MAST4: variants seen among roughly 807,000 people sequenced by gnomAD.
The protein encoded by MAST4 is microtubule associated serine/threonine kinase family member 4.
In MAST4, 89 loss-of-function variants were observed where a neutral mutation model predicts 162.7. The observed-to-expected ratio is 0.55, with a 90% CI of 0.46 to 0.65. The LOEUF is 0.65. MAST4 is among the 30% of genes least tolerant of loss of function. The pLI is 0.00. For missense variants in MAST4, 3,153 were observed against 3,374.0 expected, an observed-to-expected ratio of 0.93 and a Z score of 1.62; for synonymous variants, 1,479 against 1,361.1, an observed-to-expected ratio of 1.09 and a Z score of -1.91.
intron 12 of MAST4, among the ~76,000 whole-genome samples, chr5:67,118,106 G>T (rs997440548): frequency 2.0e-5 from 3 of 152,122 alleles, no homozygotes; most frequent in Admixed American, 6.5e-5. Flanking sequence ...GAAGTTAAAA[G>T]GTCAGTCAGT....
intron 4 of MAST4, among the ~76,000 whole-genome samples, chr5:66,927,088 C>T (rs967280056): frequency 5.3e-5 from 8 of 152,130 alleles, no homozygotes; most frequent in Non-Finnish European, 8.8e-5. Flanking sequence ...GATTTCCTCT[C>T]GTTTTCTTTT....
rs565786604 is a variant in MAST4, at chr5:66,722,907, T to C, written c.364-36802T>C. ...AACGGGACACCTGCCAGATATGTAGTTGAAAAGGGATGTGTCTGAATCAAG... is the reference window on the plus strand; with the variant it reads ...AACGGGACACCTGCCAGATATGTAGCTGAAAAGGGATGTGTCTGAATCAAG... On this transcript the variant is annotated intron_variant, in intron 1 of 28. Transcript: ENST00000403625. Among the ~76,000 whole-genome samples, 8 of 152,152 alleles carry C rather than the reference T, an allele frequency of 5.3e-5. No homozygotes were observed. In the Middle Eastern group the frequency reaches 0.01, roughly 194 times the overall value.
chr5:66,916,166 TTAAAAA>T (rs1764105038), intron 4 of MAST4, among the ~76,000 whole-genome samples: 1 of 152,228 alleles, frequency 6.6e-6, no homozygotes, highest in African/African-American at 2.4e-5. Flanking sequence ...ACCTGTTTCT[TTAAAAA>T]TAATTTTAAT....
At chr5:67,121,141 A>G in intron 14 of MAST4, 39 bp downstream of exon 14, 3 of 1,424,374 alleles carry the variant, frequency 2.1e-6, no homozygotes. Flanking sequence ...GTATTTCTAC[A>G]CACTCAAGTG....
intron 3 of MAST4, among the ~76,000 whole-genome samples, chr5:66,869,465 T>G (rs1233149370): frequency 6.6e-6 from 1 of 152,172 alleles, no homozygotes; most frequent in Non-Finnish European, 1.5e-5. Flanking sequence ...GACTATTTCC[T>G]TGCATTTTTT....
intron 5 of MAST4, among the ~76,000 whole-genome samples, chr5:67,083,621 G>A (rs1198325126): frequency 4.6e-5 from 7 of 150,642 alleles, no homozygotes; most frequent in African/African-American, 1.7e-4. Flanking sequence ...ATGTAAGATA[G>A]AAAAAAAAAT....
intron 4 of MAST4, among the ~76,000 whole-genome samples, chr5:67,017,301 C>T (rs1561536767): frequency 6.6e-6 from 1 of 152,154 alleles, no homozygotes; most frequent in African/African-American, 2.4e-5. Flanking sequence ...ATAGCTGCCC[C>T]TACCTAAGGA....
chr5:67,059,106 T>G (rs1759231908), intron 5 of MAST4, among the ~76,000 whole-genome samples: 1 of 152,148 alleles, frequency 6.6e-6, no homozygotes, highest in Admixed American at 6.5e-5. Context: ...TGTGGACAGA[T>G]TTAGGTCATT....
chr5:66,607,116 G>C (rs1313646829), intron 1 of MAST4, among the ~76,000 whole-genome samples: 1 of 152,056 alleles, frequency 6.6e-6, no homozygotes, highest in Non-Finnish European at 1.5e-5. Context: ...GGAGATACTG[G>C]GACAAGGGCA....
At chr5:66,858,483 C>T (rs777268826) in intron 3 of MAST4, among the ~76,000 whole-genome samples, 13 of 152,120 alleles carry the variant, frequency 8.5e-5, no homozygotes, top group Non-Finnish European at 1.9e-4. Flanking sequence ...GTTTATACTA[C>T]ATTCACATTG....
intron 26 of MAST4, among the ~76,000 whole-genome samples, chr5:67,156,553 C>A (rs1772559115): frequency 6.6e-6 from 1 of 152,236 alleles, no homozygotes; most frequent in African/African-American, 2.4e-5. Context: ...TGAGGGTTAT[C>A]TGTGCAAGGC....
chr5:66,944,738 A>G (rs1181951343), intron 4 of MAST4, among the ~76,000 whole-genome samples: 5 of 152,158 alleles, frequency 3.3e-5, no homozygotes, highest in African/African-American at 1.2e-4. Flanking sequence ...AGTTCTGTCA[A>G]TCAGAAGCCT....
At chr5:66,835,946 G>A (rs1757937807) in intron 3 of MAST4, among the ~76,000 whole-genome samples, 1 of 152,124 alleles carries the variant, frequency 6.6e-6, no homozygotes, top group Non-Finnish European at 1.5e-5. Context: ...GAGGTGGGCG[G>A]ATTGCTTGAG....
intron 4 of MAST4, among the ~76,000 whole-genome samples, chr5:67,028,574 G>A (rs761676835): frequency 1.3e-5 from 2 of 152,128 alleles, no homozygotes; most frequent in African/African-American, 2.4e-5. Context: ...TCAGGAAGTG[G>A]ATTCTGAAAG....
At chr5:66,954,623 G>T (rs1484515483) in intron 4 of MAST4, among the ~76,000 whole-genome samples, 1 of 152,176 alleles carries the variant, frequency 6.6e-6, no homozygotes, top group Non-Finnish European at 1.5e-5. Flanking sequence ...AAGAAAGCCT[G>T]GGCGTGGTGT....
chr5:66,998,413 T>C (rs893976855), intron 4 of MAST4, among the ~76,000 whole-genome samples: 6 of 152,194 alleles, frequency 3.9e-5, no homozygotes, highest in Non-Finnish European at 8.8e-5. Context: ...TAAACGCAAT[T>C]CGTTACCTAT....
chr5:66,688,608 G>A (rs1050442332), intron 1 of MAST4, among the ~76,000 whole-genome samples: 1 of 152,282 alleles, frequency 6.6e-6, no homozygotes, highest in South Asian at 2.1e-4. Flanking sequence ...TCTTTCCAGA[G>A]ACTCTCTTAG....
At chr5:66,620,824 G>A (rs1470948387) in intron 1 of MAST4, among the ~76,000 whole-genome samples, 2 of 150,664 alleles carry the variant, frequency 1.3e-5, no homozygotes, top group Non-Finnish European at 3.0e-5. Context: ...AACTCATTTT[G>A]TTAGAATGGT....
Position 67,165,022 on chromosome 5 carries a change from C to T in MAST4, c.5843C>T (p.Pro1948Leu). ...TGCCTGGGGCAGAACCTCCACAGCCCTGACCTGGCCAGGCCACGCTGCCCG... is the reference window on the plus strand; with the variant it reads ...TGCCTGGGGCAGAACCTCCACAGCCTTGACCTGGCCAGGCCACGCTGCCCG... ...LTCLGQNLHS[P>L]DLARPRCPLP... The change falls in exon 29 of 29, where the codon CCT (proline) becomes CTT (leucine). Residue 1948 changes from proline to leucine, a missense_variant. Coordinates refer to ENST00000403625, the MANE Select transcript of MAST4 (RefSeq NM_001164664.2). 6.2e-7 allele frequency: 1 copy of T among 1,613,080 alleles called. No individual in the cohort carries two copies. The highest frequency in any genetic ancestry group is 8.5e-7 in the Non-Finnish European group (1 of 1,179,466).
Sources: allele counts gnomAD v4.1 joint callset (sites outside exome capture counted in the v4.1 genomes callset), GRCh38; gene constraint gnomAD v4.1.1; transcripts MANE v1.5; gene names NCBI Gene and HGNC (gene_info 2026-07-23, HGNC 2026-07-21).